The following CNTN3 variants were observed in gnomAD, a reference collection of about 807,000 sequenced individuals.
CNTN3 encodes the protein contactin-3.
A neutral mutation model predicts 119.1 loss-of-function variants in CNTN3; 60 were observed. That is an observed-to-expected ratio of 0.50 (90% confidence interval 0.41 to 0.62). The LOEUF (loss-of-function observed/expected upper bound fraction) is 0.62, where lower values mean the gene tolerates loss of function less well. Ranked by LOEUF, CNTN3 falls within the 20% of genes least tolerant of loss-of-function variation. The pLI is 0.00. For synonymous variants in CNTN3, 450 were observed against 438.7 expected, an observed-to-expected ratio of 1.03 and a Z score of -0.32; for missense variants, 1,101 against 1,242.4, an observed-to-expected ratio of 0.89 and a Z score of 1.71.
intron 11 of CNTN3, among the ~76,000 whole-genome samples, chr3:74,361,130 A>G (rs1296491590): frequency 6.6e-6 from 1 of 152,040 alleles, no homozygotes; most frequent in Non-Finnish European, 1.5e-5. Flanking sequence ...AATAATAAAT[A>G]ATAAATATAT....
chr3:74,512,995 C>A (rs1381447184), intron 2 of CNTN3, among the ~76,000 whole-genome samples: 1 of 152,056 alleles, frequency 6.6e-6, no homozygotes, highest in Non-Finnish European at 1.5e-5. Context: ...AGAAGTCATG[C>A]AAGGTATTTT....
chr3:74,612,031 C>T (rs986412159), intron 1 of CNTN3, among the ~76,000 whole-genome samples: 1 of 152,062 alleles, frequency 6.6e-6, no homozygotes, highest in African/African-American at 2.4e-5. Context: ...CACAGTATAG[C>T]GATATACAGA....
At chr3:74,292,398 C>G (rs1033349732) in intron 19 of CNTN3, among the ~76,000 whole-genome samples, 1 of 152,078 alleles carries the variant, frequency 6.6e-6, no homozygotes, top group Non-Finnish European at 1.5e-5. Flanking sequence ...AACCCCATCT[C>G]TACTAAAAAA....
intron 11 of CNTN3, among the ~76,000 whole-genome samples, chr3:74,358,601 A>ATTTT (rs1704000376): frequency 7.2e-6 from 1 of 138,842 alleles, no homozygotes; most frequent in African/African-American, 2.8e-5. Flanking sequence ...TTTTTGATTT[A>ATTTT]TTTATTTATT....
intron 5 of CNTN3, 145 bp from the exon 6 acceptor site, chr3:74,371,544 G>A: frequency 1.6e-6 from 1 of 623,512 alleles, no homozygotes; most frequent in Non-Finnish European, 2.8e-6. Context: ...AAGCAGTTAA[G>A]TGAAATAACT....
intron 5 of CNTN3, among the ~76,000 whole-genome samples, chr3:74,376,032 T>A (rs1429150263): frequency 6.6e-6 from 1 of 151,560 alleles, no homozygotes; most frequent in East Asian, 1.9e-4. Context: ...CCAGCAGAGG[T>A]CTAAGCCATA....
chr3:74,491,807 T>C (rs185089088), intron 3 of CNTN3, among the ~76,000 whole-genome samples: 5 of 152,342 alleles, frequency 3.3e-5, no homozygotes, highest in Admixed American at 2.6e-4. Context: ...TACCAAGGAA[T>C]TTAAAAGTTC....
At chr3:74,428,386 T>A (rs1701730971) in intron 4 of CNTN3, among the ~76,000 whole-genome samples, 1 of 152,162 alleles carries the variant, frequency 6.6e-6, no homozygotes. Flanking sequence ...CCTGAAGATC[T>A]TCCAGTGGCA....
At chr3:74,539,545 C>T (rs7427507) in intron 1 of CNTN3, among the ~76,000 whole-genome samples, 341 of 152,064 alleles carry the variant, frequency 2.2e-3, no homozygotes, top group African/African-American at 7.9e-3. Context: ...GAAATAGCCA[C>T]GTGACTCCTT....
rs116395177 is a variant in CNTN3 at position 74,443,941 on chromosome 3, G to A, written c.359-19001C>T. ...TATTGTCTCACAATTCTGGAGGCTG[G>A]AACTCTAAAATCATGGTGTTGGCAG... is the stretch of plus-strand genomic sequence containing the variant. On this transcript the variant is annotated intron_variant, in intron 4 of 22. Transcript: ENST00000263665. Among the ~76,000 whole-genome samples the A allele has an allele frequency of 3.0e-3, 451 of 152,190 alleles. 2 individuals carry two copies. The highest frequency in any genetic ancestry group is 0.011 in the African/African-American group (439 of 41,534).
intron 11 of CNTN3, among the ~76,000 whole-genome samples, chr3:74,344,448 C>T (rs967263990): frequency 2.5e-5 from 2 of 80,140 alleles, no homozygotes; most frequent in Non-Finnish European, 2.5e-5. Context: ...TTTTTTGAGA[C>T]GGAGTCTCAC....
intron 1 of CNTN3, among the ~76,000 whole-genome samples, chr3:74,612,838 A>T (rs1028625284): frequency 1.1e-4 from 17 of 152,142 alleles, no homozygotes; most frequent in Non-Finnish European, 2.5e-4. Context: ...GTGAGGCTGA[A>T]CCCGATCAGA....
At position 74,478,145 on chromosome 3, in the gene CNTN3, A is replaced by G. The variant is rs548527708; in HGVS notation, c.358+8311T>C. Among the ~76,000 whole-genome samples the G allele has an allele frequency of 3.3e-5, 5 of 152,304 alleles. No individual in the cohort carries two copies. The South Asian group carries it at 1.0e-3, about 32-fold the overall frequency. On this transcript the variant is annotated intron_variant, in intron 4 of 22. Coordinates refer to ENST00000263665, the MANE Select transcript of CNTN3 (RefSeq NM_020872.3). ...TAGAAAACAGGTGTGATGATATTAA[A>G]TGGTTTGGCATCATGGAGAAAGATG...
At chr3:74,500,146 A>T (rs1703140903) in intron 2 of CNTN3, among the ~76,000 whole-genome samples, 1 of 152,056 alleles carries the variant, frequency 6.6e-6, no homozygotes, top group Non-Finnish European at 1.5e-5. Flanking sequence ...CTGAATTCAA[A>T]ATGAATTCAA....
At chr3:74,317,049 G>C (rs1430268949) in intron 13 of CNTN3, among the ~76,000 whole-genome samples, 2 of 151,422 alleles carry the variant, frequency 1.3e-5, no homozygotes, top group African/African-American at 4.9e-5. Context: ...ATTTAGGATA[G>C]TTAGCTCTTC....
At chr3:74,480,956 G>A (rs1029255567) in intron 4 of CNTN3, among the ~76,000 whole-genome samples, 4 of 151,422 alleles carry the variant, frequency 2.6e-5, no homozygotes, top group African/African-American at 7.3e-5. Flanking sequence ...ACCAATCCAC[G>A]TGAAAGGAAG....
At chr3:74,350,598 C>G (rs1446509632) in intron 11 of CNTN3, among the ~76,000 whole-genome samples, 1 of 152,082 alleles carries the variant, frequency 6.6e-6, no homozygotes, top group Non-Finnish European at 1.5e-5. Flanking sequence ...ATAAATCATT[C>G]TAGTGAAAAA....
intron 1 of CNTN3, among the ~76,000 whole-genome samples, chr3:74,573,378 A>G (rs1481913740): frequency 6.6e-6 from 1 of 152,146 alleles, no homozygotes; most frequent in African/African-American, 2.4e-5. Context: ...AAACATAGGT[A>G]TAAATCTTTG....
chr3:74,326,133 G>C (rs1263196305), intron 13 of CNTN3, among the ~76,000 whole-genome samples: 1 of 151,972 alleles, frequency 6.6e-6, no homozygotes, highest in Non-Finnish European at 1.5e-5. Flanking sequence ...CCCCCTCTCT[G>C]TCTGTCATTA....
Sources: allele counts gnomAD v4.1 joint callset (sites outside exome capture counted in the v4.1 genomes callset), GRCh38; gene constraint gnomAD v4.1.1; transcripts MANE v1.5; gene names NCBI Gene and HGNC (gene_info 2026-07-23, HGNC 2026-07-21).